Variants in AGAP1 observed in about 807,000 individuals in gnomAD.
AGAP1 encodes arf-GAP with GTPase, ANK repeat and PH domain-containing protein 1.
AGAP1 carries 29 observed loss-of-function variants against 105.3 expected under a neutral mutation model. That is an observed-to-expected ratio of 0.28 (90% CI 0.21 to 0.38). AGAP1 has a LOEUF of 0.38. Ranked by LOEUF, AGAP1 falls within the 10% of genes least tolerant of loss-of-function variation. AGAP1 has a pLI of 1.00. For synonymous variants in AGAP1, 509 were observed against 485.9 expected (o/e 1.05, Z -0.63); for missense variants, 998 against 1,165.1 (o/e 0.86, Z 2.09).
rs1385512216 is a variant in AGAP1 at position 235,843,590 on chromosome 2, G to A, written c.1050+36259G>A. ...GCCTCTAGGTGCCCTGTCTTGGCCA[G>A]CAGCACTTGCCTTCTCTTCCCCATC... On this transcript the variant is annotated intron_variant, in intron 9 of 17. Coordinates refer to ENST00000304032, the MANE Select transcript of AGAP1 (RefSeq NM_001037131.3). This position sits in a 1 kb window ranked among gnomAD's most constrained non-coding sequence, Gnocchi z 5.9. Among the ~76,000 whole-genome samples the A allele has an allele frequency of 6.6e-6, 1 of 152,112 alleles. No homozygotes were observed. The highest frequency in any genetic ancestry group is 2.4e-5 in the African/African-American group (1 of 41,420).
chr2:236,074,565 A>G (rs1375580434), intron 16 of AGAP1, among the ~76,000 whole-genome samples: 1 of 152,224 alleles, frequency 6.6e-6, no homozygotes, highest in East Asian at 1.9e-4. Context: ...AAAACCTAAC[A>G]TCTACATACA....
intron 6 of AGAP1, among the ~76,000 whole-genome samples, chr2:235,797,459 C>T (rs1367850502): frequency 6.6e-6 from 1 of 151,100 alleles, no homozygotes; most frequent in Non-Finnish European, 1.5e-5. Flanking sequence ...AGAATTTAGG[C>T]AAAGGGAGGC....
At chr2:235,935,188 G>A (rs190600212) in intron 12 of AGAP1, among the ~76,000 whole-genome samples, 40 of 152,294 alleles carry the variant, frequency 2.6e-4, no homozygotes, top group Non-Finnish European at 2.8e-4. Context: ...ATAATTTGGC[G>A]TTGCTAACAT....
At chr2:236,057,222 C>T (rs1192995191) in intron 16 of AGAP1, among the ~76,000 whole-genome samples, 1 of 152,192 alleles carries the variant, frequency 6.6e-6, no homozygotes, top group African/African-American at 2.4e-5. Flanking sequence ...GATTCTCCTA[C>T]CTCAACCTCC....
In AGAP1 at chr2:235,553,948, G is replaced by A. The variant is rs1574835526; in HGVS notation, c.163+59099G>A. On this transcript the variant is annotated intron_variant, in intron 1 of 17. Coordinates refer to ENST00000304032, the MANE Select transcript of AGAP1 (RefSeq NM_001037131.3). The surrounding 1 kb of genome is among the most constrained non-coding windows in gnomAD (Gnocchi z 4.5). Reference sequence around the variant, plus strand: ...CGGCGTGTGCCAAGACCAGCCCTCTGAGGTCAGCCCTCCTGGACCCCTTAC... The same window carrying A: ...CGGCGTGTGCCAAGACCAGCCCTCTAAGGTCAGCCCTCCTGGACCCCTTAC... Among the ~76,000 whole-genome samples, 1 of 152,226 alleles carries A rather than the reference G, an allele frequency of 6.6e-6. No homozygotes were observed. The highest frequency in any genetic ancestry group is 1.5e-5 in the Non-Finnish European group (1 of 68,036).
intron 16 of AGAP1, among the ~76,000 whole-genome samples, chr2:236,097,567 T>G (rs889352555): frequency 1.7e-4 from 26 of 152,020 alleles, no homozygotes; most frequent in African/African-American, 6.0e-4. Flanking sequence ...TAAGTTTTTG[T>G]ATTTTAGTAG....
In AGAP1 at chr2:235,550,124, G is replaced by T. The variant is rs73118502; in HGVS notation, c.163+55275G>T. On this transcript the variant is annotated intron_variant, in intron 1 of 17. Transcript: ENST00000304032. The surrounding 1 kb of genome is among the most constrained non-coding windows in gnomAD (Gnocchi z 4.6). ...CATGTCCACATCTGGAGTAGACCCTGAGTGGGGCAGAACCATCATCCTGCG... is the reference window on the plus strand; with the variant it reads ...CATGTCCACATCTGGAGTAGACCCTTAGTGGGGCAGAACCATCATCCTGCG... 6.6e-6 allele frequency among the ~76,000 whole-genome samples: 1 copy of T among 152,216 alleles called. No homozygotes were observed. The highest frequency in any genetic ancestry group is 1.5e-5 in the Non-Finnish European group (1 of 68,026).
intron 9 of AGAP1, among the ~76,000 whole-genome samples, chr2:235,878,941 G>C (rs547625679): frequency 1.3e-5 from 2 of 152,226 alleles, no homozygotes; most frequent in African/African-American, 2.4e-5. Context: ...GCTTTGGAAG[G>C]GGGAGCTGAA....
chr2:236,101,274 CT>C lies in AGAP1; in HGVS notation c.2115-18916del, dbSNP rs559551436. On this transcript the variant is annotated intron_variant, in intron 16 of 17. Transcript: ENST00000304032. The surrounding 1 kb of genome is among the most constrained non-coding windows in gnomAD (Gnocchi z 4.9). ...AAGGTATACCACATTAAGAAGACTC[CT>C]TATTGTTCCAAAGCAATGGTCCTAT... Among the ~76,000 whole-genome samples, 83 of 152,208 alleles carry C rather than the reference CT, an allele frequency of 5.5e-4. No homozygotes were observed. Among genetic ancestry groups the C allele is most frequent in the Non-Finnish European group, 9.3e-4 (63 of 67,974 alleles).
intron 15 of AGAP1, among the ~76,000 whole-genome samples, chr2:236,041,769 C>T (rs543575254): frequency 6.6e-6 from 1 of 152,294 alleles, no homozygotes; most frequent in African/African-American, 2.4e-5. Context: ...CATCCTGAAG[C>T]CTGAAATGCA....
intron 1 of AGAP1, among the ~76,000 whole-genome samples, chr2:235,675,833 G>C (rs1276331250): frequency 6.6e-6 from 1 of 152,162 alleles, no homozygotes; most frequent in African/African-American, 2.4e-5. Context: ...TAGGTCACCT[G>C]TTAACATCTT....
At chr2:235,916,426 G>A (rs2051888548) in intron 11 of AGAP1, among the ~76,000 whole-genome samples, 1 of 152,244 alleles carries the variant, frequency 6.6e-6, no homozygotes, top group African/African-American at 2.4e-5. Context: ...ATGAATGTTT[G>A]GCCAGCCTAG....
At chr2:235,862,862 C>CA (rs2048987970) in intron 9 of AGAP1, among the ~76,000 whole-genome samples, 1 of 152,194 alleles carries the variant, frequency 6.6e-6, no homozygotes, top group African/African-American at 2.4e-5. Context: ...ACCGTGCGTG[C>CA]ATTGAGACTG....
intron 15 of AGAP1, among the ~76,000 whole-genome samples, chr2:236,043,283 T>C (rs547305417): frequency 3.3e-5 from 5 of 152,324 alleles, no homozygotes; most frequent in South Asian, 2.1e-4. Flanking sequence ...ACCAATGGGA[T>C]TGAGTAAGGC....
In AGAP1 at chr2:236,124,399, A is replaced by C. The variant is rs891534039; in HGVS notation, c.*277A>C. The C allele has an allele frequency of 6.0e-6, 3 of 496,642 alleles. No individual in the cohort carries two copies. Among genetic ancestry groups the C allele is most frequent in the East Asian group, 7.3e-5 (2 of 27,218 alleles). 30.8% of individuals were successfully genotyped at this position (496,642 alleles called of 1,614,324 possible). ...AGCGACGGGCCTCGGCCCTTTGATG[A>C]TAGCACATGGCGCAGGACCCTTGTC... is the stretch of plus-strand genomic sequence containing the variant. On this transcript the variant is annotated 3_prime_UTR_variant, in exon 18 of 18. Coordinates refer to ENST00000304032, the MANE Select transcript of AGAP1 (RefSeq NM_001037131.3). This position sits in a 1 kb window ranked among gnomAD's most constrained non-coding sequence, Gnocchi z 5.1.
At chr2:235,745,785 C>G (rs1952880323) in intron 5 of AGAP1, among the ~76,000 whole-genome samples, 1 of 152,148 alleles carries the variant, frequency 6.6e-6, no homozygotes, top group East Asian at 1.9e-4. Flanking sequence ...TGATTGGCTG[C>G]TTGATCACGA....
At chr2:235,978,169 G>C (rs2054937220) in intron 13 of AGAP1, among the ~76,000 whole-genome samples, 1 of 152,136 alleles carries the variant, frequency 6.6e-6, no homozygotes, top group African/African-American at 2.4e-5. Flanking sequence ...CCAGCACATT[G>C]GTGGGGTGAG....
rs959284811 is a variant in AGAP1, at chr2:235,712,047, C to T, written c.222+2810C>T. Among the ~76,000 whole-genome samples, 7 of 151,238 alleles carry T rather than the reference C, an allele frequency of 4.6e-5. No homozygotes were observed. The highest frequency in any genetic ancestry group is 9.7e-5 in the African/African-American group (4 of 41,182). The stretch of plus-strand genomic sequence containing the variant: ...TTCTTTCTTTCTTTTTTTTTTGTTA[C>T]GGGGTCTCACTCTGTCACCCAGGCT... On this transcript the variant is annotated intron_variant, in intron 2 of 17. Coordinates refer to ENST00000304032, the MANE Select transcript of AGAP1 (RefSeq NM_001037131.3). This position sits in a 1 kb window ranked among gnomAD's most constrained non-coding sequence, Gnocchi z 6.0.
rs925937012 is a variant in AGAP1, at chr2:235,992,733, C to T, written c.1645+24110C>T. On this transcript the variant is annotated intron_variant, in intron 13 of 17. Coordinates refer to ENST00000304032, the MANE Select transcript of AGAP1 (RefSeq NM_001037131.3). This position sits in a 1 kb window ranked among gnomAD's most constrained non-coding sequence, Gnocchi z 4.8. ...ATATCGTGGCCGCTGAGGTCCTGCA[C>T]ACCTGGGGATGCGTCGTGGGCGCCG... Among the ~76,000 whole-genome samples the T allele has an allele frequency of 6.6e-6, 1 of 152,172 alleles. No homozygotes were observed. Among genetic ancestry groups the T allele is most frequent in the Non-Finnish European group, 1.5e-5 (1 of 68,030 alleles).
Sources: allele counts gnomAD v4.1 joint callset (sites outside exome capture counted in the v4.1 genomes callset), GRCh38; gene constraint gnomAD v4.1.1; non-coding constraint Gnocchi (gnomAD v3.1); transcripts MANE v1.5; gene names NCBI Gene and HGNC (gene_info 2026-07-23, HGNC 2026-07-21).